CCND2: variants seen among roughly 807,000 people sequenced by gnomAD.
CCND2 encodes the protein G1/S-specific cyclin-D2.
Under a neutral mutation model 30.2 loss-of-function variants are expected in CCND2, and 6 were observed. The observed-to-expected ratio is 0.20, with a 90% CI of 0.11 to 0.39. The LOEUF is 0.39. Among genes scored for constraint, CCND2 ranks in the 10% least tolerant of loss-of-function variants. The pLI is 1.00. For missense variants in CCND2, 235 were observed against 373.4 expected, an observed-to-expected ratio of 0.63 and a Z score of 3.06; for synonymous variants, 150 against 153.1, an observed-to-expected ratio of 0.98 and a Z score of 0.15.
intron 2 of CCND2, among the ~76,000 whole-genome samples, chr12:4,277,403 A>C (rs3217797): frequency 0.96 from 145,483 of 152,276 alleles, 69,879 homozygotes; most frequent in East Asian, 1. Context: ...CCCCGGCTGT[A>C]CACAGAAAGC....
chr12:4,288,712 T>G (rs1399753210), intron 3 of CCND2, 130 bp from the exon 4 acceptor site: 1 of 786,654 alleles, frequency 1.3e-6, no homozygotes. Context: ...AGGGAGGACA[T>G]GCCTGTAGGG....
Position 4,274,353 on chromosome 12 carries a change from G to A in CCND2, c.195+118G>A. The A allele has an allele frequency of 9.2e-7, 1 of 1,088,980 alleles. No homozygotes were observed. Among genetic ancestry groups the A allele is most frequent in the Non-Finnish European group, 1.3e-6 (1 of 743,082 alleles). The allele number at this position is 1,088,980 out of a possible 1,614,324, so 67.5% of individuals were successfully genotyped here. A position where few individuals can be genotyped will look rare whatever the true frequency, so the allele number is the denominator to read the frequency against. Reference sequence around the variant, plus strand: ...CGCGCCGGCCTCCCGGCTCCTGTGCGGGAGTTTACCGCGCGCCTTCTGGCG... The same window carrying A: ...CGCGCCGGCCTCCCGGCTCCTGTGCAGGAGTTTACCGCGCGCCTTCTGGCG... On this transcript the variant is annotated intron_variant, in intron 1 of 4. Transcript: ENST00000261254. The surrounding 1 kb of genome is among the most constrained non-coding windows in gnomAD (Gnocchi z 7.7).
intron 2 of CCND2, among the ~76,000 whole-genome samples, chr12:4,277,104 G>A (rs1003462400): frequency 8.5e-5 from 13 of 152,210 alleles, no homozygotes; most frequent in Non-Finnish European, 5.9e-5. Context: ...CTTCCTTTCT[G>A]GGGCTCTGCT....
In CCND2 at chr12:4,287,682, G is replaced by C. The variant is rs151019550; in HGVS notation, c.572-1160G>C. ...TTCTCACCCATACCATTAGGGTGACGCTCGTGTGCATCTTCTGTGGCTGAT... is the reference window on the plus strand; with the variant it reads ...TTCTCACCCATACCATTAGGGTGACCCTCGTGTGCATCTTCTGTGGCTGAT... On this transcript the variant is annotated intron_variant, in intron 3 of 4. Coordinates refer to ENST00000261254, the MANE Select transcript of CCND2 (RefSeq NM_001759.4). The surrounding 1 kb of genome is among the most constrained non-coding windows in gnomAD (Gnocchi z 4.0). Among the ~76,000 whole-genome samples, 133 of 152,284 alleles carry C rather than the reference G, an allele frequency of 8.7e-4. 1 individual carries two copies. Among genetic ancestry groups the C allele is most frequent in the African/African-American group, 2.9e-3 (119 of 41,544 alleles).
In CCND2 at chr12:4,281,884, C is replaced by G. The variant is rs1302901124; in HGVS notation, c.571+2965C>G. Among the ~76,000 whole-genome samples the G allele has an allele frequency of 3.7e-5, 5 of 133,500 alleles. No homozygotes were observed. The East Asian group carries it at 1.2e-3, about 33-fold the overall frequency. 87.6% of individuals were successfully genotyped at this position (133,500 alleles called of 152,430 possible). On this transcript the variant is annotated intron_variant, in intron 3 of 4. Transcript: ENST00000261254. ...TCCTTCCCTGCTCAGCCTAAAATGG[C>G]TTCTGGAAGAGCAAGGGCCGCAAGC...
intron 4 of CCND2, among the ~76,000 whole-genome samples, chr12:4,289,782 G>A (rs533321153): frequency 2.6e-5 from 4 of 152,270 alleles, no homozygotes; most frequent in Admixed American, 6.5e-5. Flanking sequence ...CCATTCCTTC[G>A]TTTTCCACGG....
chr12:4,293,128 CT>C lies in CCND2; in HGVS notation c.720+4142del, dbSNP rs911203171. On this transcript the variant is annotated intron_variant, in intron 4 of 4. Transcript: ENST00000261254. The surrounding 1 kb of genome is among the most constrained non-coding windows in gnomAD (Gnocchi z 4.9). ...GTCCATGTCCTTTGAAAAGCTGTGT[CT>C]TTTCTTTAACTTCAATTCTGTGTCA... Among the ~76,000 whole-genome samples, 1 of 152,200 alleles carries C rather than the reference CT, an allele frequency of 6.6e-6. No homozygotes were observed. The highest frequency in any genetic ancestry group is 6.5e-5 in the Admixed American group (1 of 15,278).
chr12:4,302,387 G>T lies in CCND2; in HGVS notation c.*2378G>T, dbSNP rs1353145232. On this transcript the variant is annotated 3_prime_UTR_variant, in exon 5 of 5. Coordinates refer to ENST00000261254, the MANE Select transcript of CCND2 (RefSeq NM_001759.4). Reference sequence around the variant, plus strand: ...AAAGAATTCCACCAGGCTGTTTGGAGATCCTCATCTTGGAGCTTTTTCAAA... The same window carrying T: ...AAAGAATTCCACCAGGCTGTTTGGATATCCTCATCTTGGAGCTTTTTCAAA... The T allele has an allele frequency of 4.3e-6, 1 of 233,098 alleles. No individual in the cohort carries two copies. The highest frequency in any genetic ancestry group is 8.5e-6 in the Non-Finnish European group (1 of 117,996). 14.4% of individuals were successfully genotyped at this position (233,098 alleles called of 1,614,324 possible). A position where few individuals can be genotyped will look rare whatever the true frequency, so the allele number is the denominator to read the frequency against.
chr12:4,278,059 C>T (rs779769893), intron 2 of CCND2, among the ~76,000 whole-genome samples: 27 of 152,204 alleles, frequency 1.8e-4, no homozygotes, highest in Non-Finnish European at 5.9e-5. Flanking sequence ...CCTCACCTTG[C>T]CCCAGATCAC....
intron 3 of CCND2, among the ~76,000 whole-genome samples, 181 bp downstream of exon 3, chr12:4,279,100 A>T (rs769450394): frequency 1.3e-5 from 2 of 152,206 alleles, no homozygotes; most frequent in Non-Finnish European, 2.9e-5. Context: ...TGAGCTTTAT[A>T]TATTCGCTTT....
Position 4,301,367 on chromosome 12 carries a change from A to G in CCND2, c.*1358A>G. On this transcript the variant is annotated 3_prime_UTR_variant, in exon 5 of 5. Transcript: ENST00000261254. ...TTCCCTTTTCCGTTTTTTTTTTTTT[A>G]TTGTTGTTGTTAATTTTATTGCAAA... is the stretch of plus-strand genomic sequence containing the variant. The G allele has an allele frequency of 5.6e-6, 1 of 178,642 alleles. No individual in the cohort carries two copies. The highest frequency in any genetic ancestry group is 1.0e-5 in the Non-Finnish European group (1 of 96,022). 11.1% of individuals were successfully genotyped at this position (178,642 alleles called of 1,614,324 possible). A position where few individuals can be genotyped will look rare whatever the true frequency, so the allele number is the denominator to read the frequency against.
At chr12:4,290,105 T>A (rs1164584043) in intron 4 of CCND2, among the ~76,000 whole-genome samples, 1 of 152,072 alleles carries the variant, frequency 6.6e-6, no homozygotes, top group Non-Finnish European at 1.5e-5. Flanking sequence ...GATCATGTGG[T>A]TTATAGGCCT....
Position 4,299,729 on chromosome 12 carries a change from C to A in CCND2, c.721-131C>A. 1 of 929,200 alleles carries A rather than the reference C, an allele frequency of 1.1e-6. No homozygotes were observed. Among genetic ancestry groups the A allele is most frequent in the Non-Finnish European group, 1.6e-6 (1 of 623,672 alleles). 57.6% of individuals were successfully genotyped at this position (929,200 alleles called of 1,614,324 possible). On this transcript the variant is annotated intron_variant, in intron 4 of 4. Coordinates refer to ENST00000261254, the MANE Select transcript of CCND2 (RefSeq NM_001759.4). The surrounding 1 kb of genome is among the most constrained non-coding windows in gnomAD (Gnocchi z 5.2). ...CCTTGGCACTTTAAGAACATCCCTC[C>A]TTTACTTCACATTTATTTCTACTGG...
At chr12:4,278,622 T>A in intron 2 of CCND2, 138 bp from the exon 3 acceptor site, 1 of 676,608 alleles carries the variant, frequency 1.5e-6, no homozygotes, top group Non-Finnish European at 2.4e-6. Context: ...CATTGACAAA[T>A]GGGCCCGCCT....
At chr12:4,288,811 G>A in intron 3 of CCND2, 31 bp from the exon 4 acceptor site, 2 of 1,595,568 alleles carry the variant, frequency 1.3e-6, no homozygotes, top group Non-Finnish European at 1.7e-6. Flanking sequence ...TTCGTTCTGT[G>A]CCCTGACCTT....
chr12:4,276,329 A>G lies in CCND2; in HGVS notation c.411+109A>G. The G allele has an allele frequency of 1.2e-6, 1 of 857,326 alleles. No homozygotes were observed. The highest frequency in any genetic ancestry group is 1.8e-6 in the Non-Finnish European group (1 of 551,204). 53.1% of individuals were successfully genotyped at this position (857,326 alleles called of 1,614,324 possible). ...GAGCAAATTCTTGGGATCCAGAATG[A>G]CCCCACCAATAGAATTTACCCACTT... On this transcript the variant is annotated intron_variant, in intron 2 of 4. Coordinates refer to ENST00000261254, the MANE Select transcript of CCND2 (RefSeq NM_001759.4). This position sits in a 1 kb window ranked among gnomAD's most constrained non-coding sequence, Gnocchi z 4.8.
chr12:4,290,908 G>A (rs534295837), intron 4 of CCND2, among the ~76,000 whole-genome samples: 2 of 152,300 alleles, frequency 1.3e-5, no homozygotes, highest in Admixed American at 6.5e-5. Flanking sequence ...GTTTAGGGGT[G>A]TCCTCCTATA....
At position 4,287,109 on chromosome 12, in the gene CCND2, C is replaced by T. The variant is rs971412704; in HGVS notation, c.572-1733C>T. 3.3e-5 allele frequency among the ~76,000 whole-genome samples: 5 copies of T among 152,090 alleles called. No individual in the cohort carries two copies. Among genetic ancestry groups the T allele is most frequent in the African/African-American group, 1.2e-4 (5 of 41,408 alleles). ...GGCGACAGAGAAGGCGTAGGAGGGG[C>T]GGGTGGACAGCAGGCGTGGGCGCAG... On this transcript the variant is annotated intron_variant, in intron 3 of 4. Transcript: ENST00000261254. This position sits in a 1 kb window ranked among gnomAD's most constrained non-coding sequence, Gnocchi z 4.0.
In CCND2 at chr12:4,301,671, T is replaced by A. The variant is rs1268964559; in HGVS notation, c.*1662T>A. 3.1e-5 allele frequency: 7 copies of A among 227,300 alleles called. No individual in the cohort carries two copies. The highest frequency in any genetic ancestry group is 6.0e-5 in the Non-Finnish European group (7 of 116,426). The allele number at this position is 227,300 out of a possible 1,614,324, so 14.1% of individuals were successfully genotyped here. ...GGGTCTCTCATTTTTTTAATTTTGT[T>A]TTGTTCAGTTTGGTTTTTTTTTTTT... On this transcript the variant is annotated 3_prime_UTR_variant, in exon 5 of 5. Coordinates refer to ENST00000261254, the MANE Select transcript of CCND2 (RefSeq NM_001759.4).
Sources: allele counts gnomAD v4.1 joint callset (sites outside exome capture counted in the v4.1 genomes callset), GRCh38; gene constraint gnomAD v4.1.1; non-coding constraint Gnocchi (gnomAD v3.1); transcripts MANE v1.5; gene names NCBI Gene and HGNC (gene_info 2026-07-23, HGNC 2026-07-21).